Variants in RDX observed in about 807,000 individuals in gnomAD.
The protein encoded by RDX is radixin.
Under a neutral mutation model 83.7 loss-of-function variants are expected in RDX, and 32 were observed. The ratio of observed to expected loss-of-function variants is 0.38; its 90% confidence interval spans 0.29 to 0.51. The LOEUF is 0.51. RDX is among the 20% of genes least tolerant of loss of function. The pLI, the probability that RDX is intolerant of heterozygous loss-of-function variation, is 0.87. For missense variants in RDX, 600 were observed against 689.9 expected (o/e 0.87, Z 1.46); for synonymous variants, 229 against 222.7 (o/e 1.03, Z -0.25).
At chr11:110,200,756 C>A (rs1863372471) in intron 14 of RDX, among the ~76,000 whole-genome samples, 1 of 152,084 alleles carries the variant, frequency 6.6e-6, no homozygotes, top group Non-Finnish European at 1.5e-5. Flanking sequence ...TTTTATAATT[C>A]TTCTTTAATA....
downstream of RDX, among the ~76,000 whole-genome samples, chr11:110,224,630 C>T (rs1864372017): frequency 6.6e-6 from 1 of 152,076 alleles, no homozygotes; most frequent in Non-Finnish European, 1.5e-5. Context: ...GAACCCATTC[C>T]CAAAAAGTCA....
At chr11:110,284,096 T>C (rs913638148) in intron 1 of RDX, among the ~76,000 whole-genome samples, 2 of 152,218 alleles carry the variant, frequency 1.3e-5, no homozygotes, top group African/African-American at 4.8e-5. Flanking sequence ...TAATTACGCA[T>C]GCTAAGGTTG....
chr11:110,236,703 C>T (rs1864865977), intron 11 of RDX: 1 of 159,190 alleles, frequency 6.3e-6, no homozygotes, highest in Non-Finnish European at 1.4e-5. Context: ...TCACCGCAAC[C>T]TCCGCCTGCC....
At chr11:110,208,115 C>T (rs547146799) in intron 14 of RDX, among the ~76,000 whole-genome samples, 423 of 152,050 alleles carry the variant, frequency 2.8e-3, no homozygotes, top group African/African-American at 9.8e-3. Flanking sequence ...CCACCATGCC[C>T]GGCCCAGATC....
intron 10 of RDX, among the ~76,000 whole-genome samples, chr11:110,240,362 T>C (rs1452342520): frequency 1.3e-5 from 2 of 152,130 alleles, no homozygotes; most frequent in Non-Finnish European, 2.9e-5. Flanking sequence ...CTGGTGGTTA[T>C]CAAAGGCCAG....
At chr11:110,267,671 G>C (rs935672646) in intron 3 of RDX, among the ~76,000 whole-genome samples, 1 of 151,092 alleles carries the variant, frequency 6.6e-6, no homozygotes, top group Non-Finnish European at 1.5e-5. Context: ...CAGAAAAAAA[G>C]AAAAAACACT....
At chr11:110,291,365 C>T (rs868336463) in intron 1 of RDX, among the ~76,000 whole-genome samples, 18 of 151,426 alleles carry the variant, frequency 1.2e-4, no homozygotes, top group African/African-American at 3.6e-4. Context: ...AAGGGAGGGA[C>T]GGAGGGAGGA....
chr11:110,220,018 T>C (rs1271131130), intron 14 of RDX, among the ~76,000 whole-genome samples: 1 of 152,140 alleles, frequency 6.6e-6, no homozygotes, highest in East Asian at 1.9e-4. Flanking sequence ...CAAACACATA[T>C]AAATTATGTA....
At chr11:110,194,745 A>T (rs1305303025) in intron 15 of RDX, among the ~76,000 whole-genome samples, 1 of 152,172 alleles carries the variant, frequency 6.6e-6, no homozygotes, top group Admixed American at 6.5e-5. Context: ...TAGACAAACA[A>T]TATTGTATCT....
downstream of RDX, among the ~76,000 whole-genome samples, chr11:110,228,567 C>T (rs1438455200): frequency 6.6e-6 from 1 of 151,926 alleles, no homozygotes; most frequent in East Asian, 1.9e-4. Flanking sequence ...TAGTTTCCAG[C>T]TTTAACTTTT....
chr11:110,180,461 C>G (rs1227499182), intron 15 of RDX, among the ~76,000 whole-genome samples: 2 of 152,156 alleles, frequency 1.3e-5, no homozygotes, highest in African/African-American at 2.4e-5. Context: ...AGTCCCCTGT[C>G]ACCAATCTCA....
At chr11:110,293,793 C>T (rs966576988) in intron 1 of RDX, among the ~76,000 whole-genome samples, 5 of 152,186 alleles carry the variant, frequency 3.3e-5, no homozygotes, top group Admixed American at 2.6e-4. Flanking sequence ...TTTATCTACA[C>T]CTTACATATA....
intron 14 of RDX, among the ~76,000 whole-genome samples, chr11:110,209,230 C>T (rs540174083): frequency 8.6e-4 from 131 of 152,084 alleles, no homozygotes; most frequent in Admixed American, 3.3e-3. Context: ...GGGTGACGGA[C>T]GGCACCTGGA....
In RDX at chr11:110,231,951, G is replaced by A. The variant is rs770379250; in HGVS notation, c.1670C>T (p.Ala557Val). 2.0e-5 allele frequency: 33 copies of A among 1,613,820 alleles called. 1 individual carries two copies. In the Admixed American group the frequency reaches 4.5e-4, roughly 22 times the overall value. The stretch of plus-strand genomic sequence containing the variant: ...CAGAGTCTTGTACTTATCACGGCCT[G>A]CTTTAACATTCTCAGCATGAAGAAC... Reference protein sequence around the residue: ...NDVLHAENVKAGRDKYKTLRQ... With the variant: ...NDVLHAENVKVGRDKYKTLRQ... The change falls in exon 14 of 14, where the codon GCA (alanine) becomes GTA (valine). Residue 557 changes from alanine (A) to valine (V), a missense_variant. Transcript: ENST00000645495.
intron 15 of RDX, among the ~76,000 whole-genome samples, chr11:110,175,520 A>G (rs1862750616): frequency 6.6e-6 from 1 of 152,242 alleles, no homozygotes; most frequent in African/African-American, 2.4e-5. Flanking sequence ...GCACTGAAAG[A>G]ATGGCAAGTA....
intron 10 of RDX, among the ~76,000 whole-genome samples, chr11:110,240,561 G>A (rs1265300350): frequency 6.6e-6 from 1 of 151,368 alleles, no homozygotes; most frequent in Non-Finnish European, 1.5e-5. Flanking sequence ...GGCTAACACG[G>A]TGAAACCCCG....
At chr11:110,257,083 ATGTG>A (rs1859574978) in intron 7 of RDX, among the ~76,000 whole-genome samples, 2 of 151,816 alleles carry the variant, frequency 1.3e-5, no homozygotes, top group African/African-American at 2.4e-5. Flanking sequence ...TTTATATTGC[ATGTG>A]TATGTGTATA....
chr11:110,215,135 C>A (rs977789264), intron 14 of RDX, among the ~76,000 whole-genome samples: 3 of 149,202 alleles, frequency 2.0e-5, no homozygotes, highest in Admixed American at 6.7e-5. Context: ...CCGAGGTGGG[C>A]GGATCACGAG....
intron 14 of RDX, among the ~76,000 whole-genome samples, chr11:110,223,823 T>C (rs1009937077): frequency 6.6e-6 from 1 of 152,202 alleles, no homozygotes; most frequent in African/African-American, 2.4e-5. Context: ...CCCAGCACTT[T>C]CGGAGGCCGA....
Sources: gnomAD v4.1 joint callset for allele counts (sites outside exome capture counted in the v4.1 genomes callset) on GRCh38, gnomAD v4.1.1 for gene constraint, MANE v1.5 for transcripts, NCBI Gene and HGNC (gene_info 2026-07-23, HGNC 2026-07-21) for gene names.